Variants in RANBP2 observed in about 807,000 individuals in gnomAD.
RANBP2 encodes RAN binding protein 2, also known as E3 SUMO-protein ligase RanBP2.
A neutral mutation model predicts 303.6 loss-of-function variants in RANBP2; 57 were observed. The observed-to-expected ratio is 0.19, with a 90% CI of 0.15 to 0.23. The LOEUF (loss-of-function observed/expected upper bound fraction) is 0.23, where lower values mean the gene tolerates loss of function less well. Ranked by LOEUF, RANBP2 falls within the 10% of genes least tolerant of loss-of-function variation. RANBP2 has a pLI of 1.00. For missense variants in RANBP2, 3,138 were observed against 3,780.8 expected (o/e 0.83, Z 4.46); for synonymous variants, 1,167 against 1,301.5 (o/e 0.90, Z 2.23).
the RANBP2 span, among the ~76,000 whole-genome samples, chr2:109,704,826 G>A: frequency 6.6e-6 from 1 of 152,142 alleles, no homozygotes; most frequent in Non-Finnish European, 1.5e-5. Flanking sequence ...ACTCCAGCCT[G>A]GGTGACAGGA....
At chr2:109,141,264 G>A in the RANBP2 span, among the ~76,000 whole-genome samples, 9 of 152,174 alleles carry the variant, frequency 5.9e-5, no homozygotes, top group Admixed American at 5.2e-4. Flanking sequence ...TCTGTGGGCC[G>A]TGCGCATTCC....
the RANBP2 span, among the ~76,000 whole-genome samples, chr2:109,460,432 G>A: frequency 2.0e-5 from 3 of 152,150 alleles, no homozygotes; most frequent in Non-Finnish European, 2.9e-5. Context: ...AGTGGTAGTC[G>A]TAGCCAGGTT....
chr2:109,564,192 AG>A, the RANBP2 span: 2 of 516,244 alleles, frequency 3.9e-6, no homozygotes, highest in Non-Finnish European at 6.1e-6. Flanking sequence ...ACTCTTCAAA[AG>A]CAAGAAGGAG....
the RANBP2 span, among the ~76,000 whole-genome samples, chr2:108,795,949 C>T: frequency 2.6e-5 from 4 of 152,062 alleles, no homozygotes; most frequent in African/African-American, 9.7e-5. Context: ...GGCAAGATTG[C>T]AAGGATGTAT....
the RANBP2 span, among the ~76,000 whole-genome samples, chr2:109,097,951 T>C: frequency 6.6e-6 from 1 of 152,124 alleles, no homozygotes; most frequent in Non-Finnish European, 1.5e-5. Context: ...CAGGCTGCAG[T>C]AGGGCTTCAC....
chr2:109,547,913 T>G, the RANBP2 span, among the ~76,000 whole-genome samples: 1 of 152,156 alleles, frequency 6.6e-6, no homozygotes, highest in Admixed American at 6.5e-5. Flanking sequence ...CTGTTACAGG[T>G]GCAAAAGAGA....
the RANBP2 span, among the ~76,000 whole-genome samples, chr2:109,356,063 C>T: frequency 6.6e-6 from 1 of 152,146 alleles, no homozygotes; most frequent in East Asian, 1.9e-4. Flanking sequence ...CATTGCCCAG[C>T]ACTCAAACAT....
At chr2:109,132,496 C>G in the RANBP2 span, among the ~76,000 whole-genome samples, 1 of 152,174 alleles carries the variant, frequency 6.6e-6, no homozygotes, top group African/African-American at 2.4e-5. Flanking sequence ...CTGCTCTCAC[C>G]TGAGCCATTT....
chr2:109,160,305 G>T, the RANBP2 span, among the ~76,000 whole-genome samples: 59,707 of 152,142 alleles, frequency 0.39, 14,999 homozygotes, highest in Non-Finnish European at 0.56. Flanking sequence ...GAGGAGGCCA[G>T]AGAGGGCTTT....
the RANBP2 span, among the ~76,000 whole-genome samples, chr2:109,295,101 T>TA: frequency 1.3e-5 from 2 of 152,342 alleles, no homozygotes; most frequent in African/African-American, 4.8e-5. Context: ...GATGCAGACT[T>TA]AGAGTATCTC....
At chr2:109,350,246 A>G in the RANBP2 span, among the ~76,000 whole-genome samples, 1 of 152,200 alleles carries the variant, frequency 6.6e-6, no homozygotes, top group African/African-American at 2.4e-5. Context: ...ATGGCTGCCC[A>G]GGCTCTCTGG....
At chr2:109,586,435 A>C in the RANBP2 span, among the ~76,000 whole-genome samples, 1 of 152,236 alleles carries the variant, frequency 6.6e-6, no homozygotes. Flanking sequence ...CCTAGTCATT[A>C]TGGCAAAAGG....
At chr2:109,611,323 T>C in the RANBP2 span, among the ~76,000 whole-genome samples, 3 of 151,986 alleles carry the variant, frequency 2.0e-5, no homozygotes, top group African/African-American at 7.3e-5. Context: ...TAAAAGGAAA[T>C]AATGATAAAT....
chr2:108,759,039 C>A (rs1441299234), intron 18 of RANBP2, among the ~76,000 whole-genome samples: 1 of 149,202 alleles, frequency 6.7e-6, no homozygotes, highest in African/African-American at 2.5e-5. Context: ...ACTATAATAG[C>A]TGTGTAAGAT....
chr2:109,456,722 C>A, the RANBP2 span, among the ~76,000 whole-genome samples: 52 of 152,286 alleles, frequency 3.4e-4, no homozygotes, highest in African/African-American at 1.2e-3. Context: ...TTTCAGGGTA[C>A]AAATGTGGAC....
At chr2:109,059,300 G>A in the RANBP2 span, among the ~76,000 whole-genome samples, 1 of 152,184 alleles carries the variant, frequency 6.6e-6, no homozygotes, top group Non-Finnish European at 1.5e-5. Flanking sequence ...ATGGGGCTGG[G>A]CAAGGTGGCT....
the RANBP2 span, among the ~76,000 whole-genome samples, chr2:109,208,352 ACAG>A: frequency 1.3e-5 from 2 of 152,370 alleles, no homozygotes; most frequent in East Asian, 3.9e-4. Flanking sequence ...CCAATCAAAT[ACAG>A]CAGAAGTTTC....
At chr2:108,938,958 T>G in the RANBP2 span, among the ~76,000 whole-genome samples, 1 of 151,908 alleles carries the variant, frequency 6.6e-6, no homozygotes, top group Non-Finnish European at 1.5e-5. Context: ...TTTTGTATTT[T>G]TATTAGAGAC....
At chr2:109,702,862 A>T in the RANBP2 span, among the ~76,000 whole-genome samples, 1 of 150,872 alleles carries the variant, frequency 6.6e-6, no homozygotes, top group Non-Finnish European at 1.5e-5. Flanking sequence ...CTGGAAACAG[A>T]GGTGGGGCTG....
Sources: gnomAD v4.1 joint callset for allele counts (sites outside exome capture counted in the v4.1 genomes callset) on GRCh38, gnomAD v4.1.1 for gene constraint, MANE v1.5 for transcripts, NCBI Gene and HGNC (gene_info 2026-07-23, HGNC 2026-07-21) for gene names.